Variants in XPNPEP2 observed in about 807,000 individuals in gnomAD.
XPNPEP2 encodes the protein xaa-Pro aminopeptidase 2.
A neutral mutation model predicts 59.8 loss-of-function variants in XPNPEP2; 64 were observed. The observed-to-expected ratio is 1.07, with a 90% CI of 0.87 to 1.32. The LOEUF (loss-of-function observed/expected upper bound fraction) is 1.32. Among genes scored for constraint, XPNPEP2 ranks in the 40% most tolerant of loss-of-function variants. The pLI is 0.00. For synonymous variants in XPNPEP2, 235 were observed against 210.0 expected, an observed-to-expected ratio of 1.12 and a Z score of -1.03; for missense variants, 575 against 546.8, an observed-to-expected ratio of 1.05 and a Z score of -0.51.
Position 129,760,578 on chromosome X carries a change from T to G in XPNPEP2, c.1495T>G (p.Ser499Ala), listed in dbSNP as rs1349193322. ...CAGGCTCATCTTTCCCGCTGCTACA[T>G]CAGGTGGGTTTCAGAAACCAGTCTG... ...LSRLIFPAAT[S>A]GRMVEAFARR... is the part of the protein sequence containing the mutation. Residue 499 changes from serine (S) to alanine (A), a missense_variant, in exon 16 of 21, where the codon TCA becomes GCA. Coordinates refer to ENST00000371106, the MANE Select transcript of XPNPEP2 (RefSeq NM_003399.6). The G allele has an allele frequency of 8.3e-7, 1 of 1,210,437 alleles. No individual in the cohort carries two copies. Among genetic ancestry groups the G allele is most frequent in the Non-Finnish European group, 1.1e-6 (1 of 895,035 alleles).
Position 129,756,567 on chromosome X carries a change from G to A in XPNPEP2, c.1367+12G>A, listed in dbSNP as rs373798788. ...GGGGGGCAGTACTGGTATGTACCCC[G>A]ACCTCACCCTAGCCTGGATGTCTCT... On this transcript the variant is annotated intron_variant, in intron 14 of 20. Coordinates refer to ENST00000371106, the MANE Select transcript of XPNPEP2 (RefSeq NM_003399.6). The A allele has an allele frequency of 9.1e-5, 110 of 1,204,567 alleles. No individual in the cohort carries two copies. Among genetic ancestry groups the A allele is most frequent in the South Asian group, 3.5e-4 (20 of 56,623 alleles).
At chrX:129,751,114 C>T (rs868070087) in intron 8 of XPNPEP2, among the ~76,000 whole-genome samples, 2 of 88,421 alleles carry the variant, frequency 2.3e-5, no homozygotes, top group African/African-American at 4.0e-5. Flanking sequence ...ACCCCCCCCC[C>T]CCGGCAAAAA....
intron 19 of XPNPEP2, among the ~76,000 whole-genome samples, chrX:129,766,660 A>T (rs1231799718): frequency 9.0e-6 from 1 of 111,598 alleles, no homozygotes; most frequent in Non-Finnish European, 1.9e-5. Flanking sequence ...AGGACTATAG[A>T]TGGACACCAC....
In XPNPEP2 at chrX:129,750,122, G is replaced by T. The variant is rs5977146; in HGVS notation, c.638-346G>T. Among the ~76,000 whole-genome samples the T allele has an allele frequency of 2.2e-3, 243 of 112,776 alleles. 1 individual carries two copies. Among genetic ancestry groups the T allele is most frequent in the African/African-American group, 7.5e-3 (233 of 31,059 alleles). On this transcript the variant is annotated intron_variant, in intron 7 of 20. Transcript: ENST00000371106. ...TTACTACATCTCAAGATACCATTCTGTGTGCTTTACAAATATTAATTCATT... is the reference window on the plus strand; with the variant it reads ...TTACTACATCTCAAGATACCATTCTTTGTGCTTTACAAATATTAATTCATT...
intron 18 of XPNPEP2, among the ~76,000 whole-genome samples, 154 bp from the exon 19 acceptor site, chrX:129,762,540 C>T (rs748665812): frequency 1.2e-3 from 132 of 111,762 alleles, no homozygotes; most frequent in African/African-American, 4.1e-3. Flanking sequence ...CTCTGCTTAG[C>T]CAACAAACAT....
intron 14 of XPNPEP2, among the ~76,000 whole-genome samples, chrX:129,757,073 T>TACACACATACACACAC: frequency 1.2e-5 from 1 of 83,687 alleles, no homozygotes; most frequent in South Asian, 6.4e-4. Flanking sequence ...TACACACACA[T>TACACACATACACACAC]ACACACACAC....
Position 129,768,286 on chromosome X carries a change from C to T in XPNPEP2, c.1831-5C>T, listed in dbSNP as rs774779903. On this transcript the variant is annotated splice_region_variant and splice_polypyrimidine_tract_variant and intron_variant, in intron 20 of 20. Coordinates refer to ENST00000371106, the MANE Select transcript of XPNPEP2 (RefSeq NM_003399.6). ...AGAGGCTGTCACCCCTTCTATCCTT[C>T]GCAGCTCCAGTACCTGAATCGCTAC... is the stretch of plus-strand genomic sequence containing the variant. 6 of 1,154,124 alleles carry T rather than the reference C, an allele frequency of 5.2e-6. No individual in the cohort carries two copies. Among genetic ancestry groups the T allele is most frequent in the East Asian group, 3.1e-5 (1 of 32,723 alleles).
chrX:129,769,275 T>C lies in XPNPEP2; in HGVS notation c.*790T>C, dbSNP rs749952850. The C allele has an allele frequency of 8.9e-6, 1 of 112,614 alleles. No homozygotes were observed. Among genetic ancestry groups the C allele is most frequent in the South Asian group, 3.7e-4 (1 of 2,737 alleles). 9.3% of individuals were successfully genotyped at this position (112,614 alleles called of 1,213,427 possible). The stretch of plus-strand genomic sequence containing the variant: ...TGGACAGTGTCTGGTTTCTCCATTT[T>C]ACAGACAGGAAAACTGAGCTTCAGA... On this transcript the variant is annotated 3_prime_UTR_variant, in exon 21 of 21. Coordinates refer to ENST00000371106, the MANE Select transcript of XPNPEP2 (RefSeq NM_003399.6).
Position 129,741,240 on chromosome X carries a change from A to G in XPNPEP2, c.50-868A>G, listed in dbSNP as rs189112611. Among the ~76,000 whole-genome samples the G allele has an allele frequency of 7.5e-3, 835 of 110,720 alleles. 1 individual carries two copies. The highest frequency in any genetic ancestry group is 0.012 in the Non-Finnish European group (652 of 52,885). ...CCCAAACTAGAAACTAGATCTCCAT[A>G]TATTCTGTCCCTTCTGTGGCATCAC... On this transcript the variant is annotated intron_variant, in intron 1 of 20. Coordinates refer to ENST00000371106, the MANE Select transcript of XPNPEP2 (RefSeq NM_003399.6).
At chrX:129,741,590 C>T (rs1017954609) in intron 1 of XPNPEP2, among the ~76,000 whole-genome samples, 4 of 111,858 alleles carry the variant, frequency 3.6e-5, no homozygotes, top group African/African-American at 1.3e-4. Context: ...GGATTTCTGT[C>T]TAATATATTG....
In XPNPEP2 at chrX:129,768,453, T is replaced by A. The variant is rs1926794608; in HGVS notation, c.1993T>A (p.Ser665Thr). 2.5e-6 allele frequency: 3 copies of A among 1,191,671 alleles called. No individual in the cohort carries two copies. Among genetic ancestry groups the A allele is most frequent in the Non-Finnish European group, 3.4e-6 (3 of 886,762 alleles). ...TASWASVLVV[S>T]TLAILGWSV Reference sequence around the variant, plus strand: ...CTCCTGGGCCTCTGTGTTAGTGGTCTCCACCCTTGCCATCCTTGGCTGGAG... The same window carrying A: ...CTCCTGGGCCTCTGTGTTAGTGGTCACCACCCTTGCCATCCTTGGCTGGAG... Residue 665 changes from serine (S) to threonine (T), a missense_variant, in exon 21 of 21, where the codon TCC becomes ACC. By Grantham distance (58) the Ser-to-Thr change is moderately conservative. Transcript: ENST00000371106.
At chrX:129,750,853 GGGA>G (rs1926378721) in intron 8 of XPNPEP2, among the ~76,000 whole-genome samples, 1 of 112,021 alleles carries the variant, frequency 8.9e-6, no homozygotes, top group East Asian at 2.8e-4. Flanking sequence ...TCCCACTAAG[GGGA>G]GGAGGACCAG....
At chrX:129,744,170 G>T (rs1199236487) in intron 3 of XPNPEP2, 99 bp downstream of exon 3, 7 of 765,326 alleles carry the variant, frequency 9.1e-6, no homozygotes, top group Non-Finnish European at 1.4e-5. Flanking sequence ...ACAGAGAAAG[G>T]ATCTGATGGG....
Position 129,747,660 on chromosome X carries a change from T to A in XPNPEP2, c.544T>A (p.Ser182Thr), listed in dbSNP as rs371311251. The change falls in exon 7 of 21, where the codon TCC becomes ACC. Residue 182 changes from serine (S) to threonine (T), a missense_variant. By Grantham distance (58) the Ser-to-Thr change is moderately conservative. Coordinates refer to ENST00000371106, the MANE Select transcript of XPNPEP2 (RefSeq NM_003399.6). Reference protein sequence around the residue: ...ALQGSNRQLVSITTNLVDLVW... With the variant: ...ALQGSNRQLVTITTNLVDLVW... ...CCAAGGCTCTAACAGACAGCTGGTG[T>A]CCATCACAACCAATCTTGTGGACCT... is the stretch of plus-strand genomic sequence containing the variant. 4.0e-5 allele frequency: 48 copies of A among 1,210,514 alleles called. No individual in the cohort carries two copies. The highest frequency in any genetic ancestry group is 1.4e-4 in the South Asian group (8 of 56,881).
intron 12 of XPNPEP2, 31 bp downstream of exon 12, chrX:129,754,612 A>T: frequency 8.8e-7 from 1 of 1,138,733 alleles, no homozygotes; most frequent in Non-Finnish European, 1.2e-6. Flanking sequence ...TTTTTGGCTG[A>T]CTGTCTTTTA....
At chrX:129,762,166 G>T in intron 18 of XPNPEP2, 101 bp downstream of exon 18, 1 of 910,036 alleles carries the variant, frequency 1.1e-6, no homozygotes, top group South Asian at 2.0e-5. Flanking sequence ...AGCACAGCAG[G>T]CACTAGTACA....
chrX:129,748,227 T>C (rs769429583), intron 7 of XPNPEP2, among the ~76,000 whole-genome samples: 71 of 112,106 alleles, frequency 6.3e-4, no homozygotes, highest in South Asian at 1.5e-3. Flanking sequence ...ACAGAGGAAG[T>C]AAATAACTAA....
intron 19 of XPNPEP2, among the ~76,000 whole-genome samples, chrX:129,766,353 C>T (rs977718632): frequency 2.7e-5 from 3 of 112,026 alleles, no homozygotes; most frequent in Non-Finnish European, 5.6e-5. Flanking sequence ...GCGCCCACCA[C>T]CATGCCCAAC....
intron 12 of XPNPEP2, among the ~76,000 whole-genome samples, chrX:129,755,025 A>G (rs1315121888): frequency 1.8e-5 from 2 of 111,739 alleles, no homozygotes; most frequent in Admixed American, 1.9e-4. Context: ...GTTTTCAGAT[A>G]CAGAGAGCTG....
Sources: allele counts gnomAD v4.1 joint callset (sites outside exome capture counted in the v4.1 genomes callset), GRCh38; gene constraint gnomAD v4.1.1; transcripts MANE v1.5; gene names NCBI Gene and HGNC (gene_info 2026-07-23, HGNC 2026-07-21).